Variants in CNDP1 observed in about 807,000 individuals in gnomAD.
CNDP1 encodes the protein carnosine dipeptidase 1.
CNDP1 carries 44 observed loss-of-function variants against 58.1 expected under a neutral mutation model. The ratio of observed to expected loss-of-function variants is 0.76; its 90% CI spans 0.60 to 0.97. The LOEUF (loss-of-function observed/expected upper bound fraction) is 0.97, where lower values mean the gene tolerates loss of function less well. Ranked by LOEUF, CNDP1 falls within the 50% of genes least tolerant of loss-of-function variation. CNDP1 has a pLI of 0.00. For synonymous variants in CNDP1, 254 were observed against 252.6 expected (o/e 1.01, Z -0.05); for missense variants, 616 against 655.1 (o/e 0.94, Z 0.65).
At chr18:74,573,900 T>TAATC (rs5826335) in intron 7 of CNDP1, among the ~76,000 whole-genome samples, 96,956 of 151,842 alleles carry the variant, frequency 0.64, 31,663 homozygotes, top group African/African-American at 0.76. Flanking sequence ...ACAAATCAAA[T>TAATC]AATCCACAGC....
rs1980745111 is a variant in CNDP1 at position 74,545,834 on chromosome 18, C to T, written c.25-10504C>T. ...AGTGGCTCTGGTGTGGCCACAGCTA[C>T]GATATCTCCAAAGGAGAATGTTCGC... On this transcript the variant is annotated intron_variant, in intron 1 of 11. Transcript: ENST00000358821. The surrounding 1 kb of genome is among the most constrained non-coding windows in gnomAD (Gnocchi z 4.1). Among the ~76,000 whole-genome samples, 1 of 152,178 alleles carries T rather than the reference C, an allele frequency of 6.6e-6. No homozygotes were observed. Among genetic ancestry groups the T allele is most frequent in the Non-Finnish European group, 1.5e-5 (1 of 68,048 alleles).
chr18:74,540,435 C>T (rs141814485), intron 1 of CNDP1, among the ~76,000 whole-genome samples: 6 of 152,318 alleles, frequency 3.9e-5, no homozygotes, highest in African/African-American at 1.4e-4. Flanking sequence ...GTTGGGATTA[C>T]AGGTGTGAGC....
At chr18:74,568,596 C>A (rs753995087) in intron 6 of CNDP1, among the ~76,000 whole-genome samples, 2 of 151,896 alleles carry the variant, frequency 1.3e-5, no homozygotes, top group African/African-American at 4.8e-5. Context: ...TGGGAGGGGG[C>A]GAGCTCCAGA....
chr18:74,538,104 C>T (rs546197427), intron 1 of CNDP1, among the ~76,000 whole-genome samples: 1 of 152,330 alleles, frequency 6.6e-6, no homozygotes, highest in South Asian at 2.1e-4. Flanking sequence ...TATTCACTGA[C>T]ATGTGCAACC....
intron 10 of CNDP1, among the ~76,000 whole-genome samples, chr18:74,582,521 T>C (rs1205634110): frequency 6.6e-6 from 1 of 152,222 alleles, no homozygotes; most frequent in African/African-American, 2.4e-5. Context: ...AAGTCCCACT[T>C]CCATAATATT....
In CNDP1 at chr18:74,559,346, C is replaced by G. The variant is rs11538622; in HGVS notation, c.177C>G (p.Ile59Met). ...AGACGCTGAAGGAGTGGGTGGCCATCGAGAGCGACTCTGTCCAGCCTGTGC... is the reference window on the plus strand; with the variant it reads ...AGACGCTGAAGGAGTGGGTGGCCATGGAGAGCGACTCTGTCCAGCCTGTGC... Reference protein sequence around the residue: ...FVQTLKEWVAIESDSVQPVPR... With the variant: ...FVQTLKEWVAMESDSVQPVPR... The change falls in exon 3 of 12, where the codon ATC (isoleucine) becomes ATG (methionine). Residue 59 changes from isoleucine to methionine, a missense_variant. Transcript: ENST00000358821. 4.3e-6 allele frequency: 7 copies of G among 1,614,076 alleles called. No individual in the cohort carries two copies. In the Admixed American group the frequency reaches 5.0e-5, roughly 12 times the overall value.
chr18:74,556,347 C>CTGCTGGCTG lies in CNDP1; in HGVS notation c.40_48dup (p.Ala14_Leu16dup), dbSNP rs1214029879. 4.4e-6 allele frequency: 7 copies of CTGCTGGCTG among 1,591,680 alleles called. No homozygotes were observed. The highest frequency in any genetic ancestry group is 5.1e-6 in the Non-Finnish European group (6 of 1,172,304). ...TGTCAAACCCTTCCAGGCTGCGTCCCTGCTGGCTGTGCTGCTGCTGCTGCT... is the reference window on the plus strand; with the variant it reads ...TGTCAAACCCTTCCAGGCTGCGTCCCTGCTGGCTGTGCTGGCTGTGCTGCTGCTGCTGCT... On this transcript the variant is annotated inframe_insertion, in exon 2 of 12. Transcript: ENST00000358821.
intron 7 of CNDP1, among the ~76,000 whole-genome samples, chr18:74,572,341 C>T (rs1184507125): frequency 6.6e-6 from 1 of 152,128 alleles, no homozygotes; most frequent in Admixed American, 6.6e-5. Flanking sequence ...GCCTCACTTA[C>T]AGGAGCTCCT....
At chr18:74,534,795 C>G in intron 1 of CNDP1, 104 bp downstream of exon 1, 1 of 1,306,808 alleles carries the variant, frequency 7.7e-7, no homozygotes, top group Non-Finnish European at 1.1e-6. Flanking sequence ...AGGCACCCAG[C>G]GTGGCCCCAG....
chr18:74,538,180 A>T (rs1434766519), intron 1 of CNDP1, among the ~76,000 whole-genome samples: 1 of 152,148 alleles, frequency 6.6e-6, no homozygotes, highest in Non-Finnish European at 1.5e-5. Context: ...TTTAGCTATG[A>T]CCCTCCTATT....
intron 10 of CNDP1, 111 bp downstream of exon 10, chr18:74,580,382 T>C: frequency 1.9e-6 from 2 of 1,080,256 alleles, no homozygotes; most frequent in Non-Finnish European, 2.8e-6. Context: ...CAACTCTCCT[T>C]TTAATACAGA....
chr18:74,570,308 G>A (rs1035298647), intron 6 of CNDP1, among the ~76,000 whole-genome samples: 1 of 152,044 alleles, frequency 6.6e-6, no homozygotes, highest in Non-Finnish European at 1.5e-5. Context: ...GAGTGACGTA[G>A]ACAAAAAGAA....
rs1171454745 is a variant in CNDP1, at chr18:74,573,452, G to GTATCTATC, written c.841+2197_841+2204dup. 5.0e-5 allele frequency among the ~76,000 whole-genome samples: 5 copies of GTATCTATC among 99,862 alleles called. No individual in the cohort carries two copies. In the Admixed American group the frequency reaches 5.5e-4, roughly 11 times the overall value. 65.5% of individuals were successfully genotyped at this position (99,862 alleles called of 152,430 possible). A position where few individuals can be genotyped will look rare whatever the true frequency, so the allele number is the denominator to read the frequency against. The stretch of plus-strand genomic sequence containing the variant: ...TCCAACTATCTATCTATGTATCTAT[G>GTATCTATC]TATCTATCTATCTATCTATCTAATC... On this transcript the variant is annotated intron_variant, in intron 7 of 11. Transcript: ENST00000358821.
chr18:74,541,183 T>C lies in CNDP1; in HGVS notation c.24+6492T>C, dbSNP rs376689071. ...TCACCCGCTGGGGGCTCACAGTGAG[T>C]GCAGCCTCGGTCATGGGCTCTGCTG... On this transcript the variant is annotated intron_variant, in intron 1 of 11. Coordinates refer to ENST00000358821, the MANE Select transcript of CNDP1 (RefSeq NM_032649.6). Among the ~76,000 whole-genome samples, 120 of 152,266 alleles carry C rather than the reference T, an allele frequency of 7.9e-4. 1 individual carries two copies. In the South Asian group the frequency reaches 0.02, roughly 25 times the overall value.
At chr18:74,580,690 A>G (rs989493120) in intron 10 of CNDP1, among the ~76,000 whole-genome samples, 1 of 152,198 alleles carries the variant, frequency 6.6e-6, no homozygotes, top group African/African-American at 2.4e-5. Flanking sequence ...AGATTAGCCC[A>G]GGTGTGATGG....
intron 5 of CNDP1, among the ~76,000 whole-genome samples, chr18:74,565,266 C>T (rs1211502900): frequency 6.6e-6 from 1 of 152,168 alleles, no homozygotes; most frequent in Non-Finnish European, 1.5e-5. Context: ...GGGATACAGC[C>T]AAACCATATC....
intron 2 of CNDP1, among the ~76,000 whole-genome samples, chr18:74,558,161 T>C (rs911806099): frequency 3.9e-5 from 6 of 152,150 alleles, no homozygotes; most frequent in African/African-American, 1.4e-4. Context: ...CAAACTCAAA[T>C]AAGTCAGGAA....
chr18:74,572,811 AG>A lies in CNDP1; in HGVS notation c.841+1542del, dbSNP rs372293768. Among the ~76,000 whole-genome samples, 1,124 of 127,572 alleles carry A rather than the reference AG, an allele frequency of 8.8e-3. 3 individuals are homozygous for A. Among genetic ancestry groups the A allele is most frequent in the East Asian group, 0.049 (204 of 4,154 alleles). The allele number at this position is 127,572 out of a possible 152,430, so 83.7% of individuals were successfully genotyped here. On this transcript the variant is annotated intron_variant, in intron 7 of 11. Coordinates refer to ENST00000358821, the MANE Select transcript of CNDP1 (RefSeq NM_032649.6). ...GTATCAAAAAAAAAAAAAAAAAAAA[AG>A]AAAGAAAGAAAGAAAGAAAAATAAT...
intron 1 of CNDP1, among the ~76,000 whole-genome samples, chr18:74,553,000 TGTA>T (rs1980948193): frequency 6.6e-6 from 1 of 152,252 alleles, no homozygotes; most frequent in Non-Finnish European, 1.5e-5. Flanking sequence ...TTGTGTCTCA[TGTA>T]GTTTGATTTG....
Sources: gnomAD v4.1 joint callset for allele counts (sites outside exome capture counted in the v4.1 genomes callset) on GRCh38, gnomAD v4.1.1 for gene constraint, Gnocchi (gnomAD v3.1) non-coding constraint, MANE v1.5 for transcripts, NCBI Gene and HGNC (gene_info 2026-07-23, HGNC 2026-07-21) for gene names.